PLD3: variants seen among roughly 807,000 people sequenced by gnomAD.
PLD3 encodes the protein phospholipase D family member 3.
Under a neutral mutation model 58.4 loss-of-function variants are expected in PLD3, and 31 were observed. That is an observed-to-expected ratio of 0.53 (90% CI 0.40 to 0.72). The LOEUF (loss-of-function observed/expected upper bound fraction) is 0.72. Among genes scored for constraint, PLD3 ranks in the 30% least tolerant of loss-of-function variants. PLD3 has a pLI of 0.00. For missense variants in PLD3, 595 were observed against 659.8 expected (o/e 0.90, Z 1.08); for synonymous variants, 264 against 273.4 (o/e 0.97, Z 0.34).
chr19:40,370,509 C>CA, intron 8 of PLD3: 1 of 269,444 alleles, frequency 3.7e-6, no homozygotes, highest in Non-Finnish European at 7.0e-6. Context: ...CCCATCTCTA[C>CA]CAAAAAAAAA....
chr19:40,349,020 T>C (rs1478915352), intron 1 of PLD3, among the ~76,000 whole-genome samples: 6 of 152,020 alleles, frequency 3.9e-5, no homozygotes. Context: ...CTTTAAATCC[T>C]CACAACTCCT....
At chr19:40,374,392 C>A in intron 9 of PLD3, 89 bp from the exon 10 acceptor site, 1 of 1,414,298 alleles carries the variant, frequency 7.1e-7, no homozygotes, top group African/African-American at 1.4e-5. Context: ...ATCCACAGTA[C>A]CTGGCTTGTG....
rs116807202 is a variant in PLD3, at chr19:40,362,886, G to A, written c.-278-2832G>A. 9.4e-3 allele frequency among the ~76,000 whole-genome samples: 1,432 copies of A among 152,154 alleles called. 31 individuals carry two copies. The highest frequency in any genetic ancestry group is 0.033 in the African/African-American group (1,360 of 41,510). On this transcript the variant is annotated intron_variant, in intron 1 of 12. Transcript: ENST00000409735. The stretch of plus-strand genomic sequence containing the variant: ...CCAAAACATCACTGACAATTTGAAC[G>A]AAGTCCATCTATTTTCTTCCTATTT...
chr19:40,377,795 G>T lies in PLD3; in HGVS notation c.1195G>T (p.Val399Leu), dbSNP rs200709404. Residue 399 changes from valine to leucine, a missense_variant, in exon 12 of 13, where the codon GTG becomes TTG. Coordinates refer to ENST00000409735, the MANE Select transcript of PLD3 (RefSeq NM_012268.4). ...CTCCCCTCCCACTCAGAAACTCTTTGTGGTCCCCGCGGATGAGGCCCAGGC... is the reference window on the plus strand; with the variant it reads ...CTCCCCTCCCACTCAGAAACTCTTTTTGGTCCCCGCGGATGAGGCCCAGGC... ...THSDIQVKLFVVPADEAQARI... is the reference protein window; with the variant it reads ...THSDIQVKLFLVPADEAQARI... 4 of 1,613,344 alleles carry T rather than the reference G, an allele frequency of 2.5e-6. No individual in the cohort carries two copies. The highest frequency in any genetic ancestry group is 2.7e-5 in the African/African-American group (2 of 74,794).
At chr19:40,364,470 AC>A (rs2078864489) in intron 1 of PLD3, among the ~76,000 whole-genome samples, 2 of 148,672 alleles carry the variant, frequency 1.3e-5, no homozygotes, top group Admixed American at 6.8e-5. Context: ...AATAAGCAAG[AC>A]CCCGTCTATA....
At chr19:40,373,126 C>T (rs1275878328) in intron 9 of PLD3, among the ~76,000 whole-genome samples, 1 of 152,142 alleles carries the variant, frequency 6.6e-6, no homozygotes, top group Non-Finnish European at 1.5e-5. Context: ...CTGTCCAAGC[C>T]CAGAGTCATC....
intron 1 of PLD3, among the ~76,000 whole-genome samples, chr19:40,364,048 G>C (rs958204863): frequency 1.3e-5 from 2 of 152,036 alleles, no homozygotes; most frequent in Non-Finnish European, 2.9e-5. Context: ...AATAGCTTAT[G>C]TTTCACAATT....
intron 10 of PLD3, among the ~76,000 whole-genome samples, chr19:40,375,669 G>GA (rs1290128513): frequency 4.1e-4 from 56 of 135,380 alleles, no homozygotes; most frequent in East Asian, 4.1e-3. Context: ...AAAAAGAAAA[G>GA]AAAAAAAAAA....
chr19:40,375,150 ACT>A (rs771611816), intron 10 of PLD3, among the ~76,000 whole-genome samples: 3 of 151,214 alleles, frequency 2.0e-5, no homozygotes, highest in Non-Finnish European at 4.4e-5. Flanking sequence ...ACAGAGCAAG[ACT>A]CTGTCTCAAA....
chr19:40,352,408 A>G (rs1440536398), intron 1 of PLD3, among the ~76,000 whole-genome samples: 2 of 152,156 alleles, frequency 1.3e-5, no homozygotes, highest in African/African-American at 4.8e-5. Context: ...GGATCTACAG[A>G]TGATGAACAA....
intron 6 of PLD3, 57 bp downstream of exon 6, chr19:40,367,936 G>C: frequency 7.0e-6 from 10 of 1,429,288 alleles, no homozygotes; most frequent in Non-Finnish European, 8.5e-6. Context: ...AGGCAGCGGG[G>C]GCTGTGGGGA....
chr19:40,369,228 G>T (rs2079005447), intron 6 of PLD3, among the ~76,000 whole-genome samples: 1 of 152,074 alleles, frequency 6.6e-6, no homozygotes, highest in Non-Finnish European at 1.5e-5. Flanking sequence ...GATGGTCTGG[G>T]TTCAAATCCT....
intron 11 of PLD3, 42 bp from the exon 12 acceptor site, chr19:40,377,744 C>T: frequency 6.8e-7 from 1 of 1,474,650 alleles, no homozygotes; most frequent in South Asian, 1.1e-5. Flanking sequence ...CTCCGACTCC[C>T]CCTGCCTCTC....
At chr19:40,371,442 T>C (rs999344186) in intron 8 of PLD3, 1 of 552,182 alleles carries the variant, frequency 1.8e-6, no homozygotes, top group Non-Finnish European at 3.2e-6. Context: ...GCTAGCTCAG[T>C]GGAGGGTAGA....
At chr19:40,353,061 C>T (rs149590726) in intron 1 of PLD3, among the ~76,000 whole-genome samples, 463 of 152,318 alleles carry the variant, frequency 3.0e-3, no homozygotes, top group Non-Finnish European at 4.4e-3. Flanking sequence ...CAGGGTCCCT[C>T]GCCTGATGTG....
At position 40,378,074 on chromosome 19, in the gene PLD3, C is replaced by A. The variant is rs775872826; in HGVS notation, c.1374C>A (p.Ser458Arg). 5.0e-6 allele frequency: 8 copies of A among 1,613,982 alleles called. No homozygotes were observed. In the East Asian group the frequency reaches 1.8e-4, roughly 36 times the overall value. ...VTQNGRGGLR[S>R]QLEAIFLRDW... ...AGAATGGGAGGGGCGGCCTGCGGAG[C>A]CAGCTGGAGGCCATTTTCCTGAGGG... Residue 458 changes from serine (S) to arginine (R), a missense_variant, in exon 13 of 13, where the codon AGC becomes AGA. By Grantham distance (110) the Ser-to-Arg change is moderately radical. Transcript: ENST00000409735.
At position 40,378,454 on chromosome 19, in the gene PLD3, G is replaced by A; in HGVS notation, c.*281G>A. On this transcript the variant is annotated 3_prime_UTR_variant, in exon 13 of 13. Transcript: ENST00000409735. ...CACTTTCCAGGGCAAAAAGGGCCCA[G>A]GGTTATAATAAGTAAATAACTTGTC... 1.8e-6 allele frequency: 1 copy of A among 548,896 alleles called. No individual in the cohort carries two copies. The highest frequency in any genetic ancestry group is 3.3e-6 in the Non-Finnish European group (1 of 304,796). The allele number at this position is 548,896 out of a possible 1,614,324, so 34.0% of individuals were successfully genotyped here.
At chr19:40,373,129 G>C (rs1238674748) in intron 9 of PLD3, among the ~76,000 whole-genome samples, 1 of 152,178 alleles carries the variant, frequency 6.6e-6, no homozygotes, top group Non-Finnish European at 1.5e-5. Flanking sequence ...TCCAAGCCCA[G>C]AGTCATCGTG....
rs2079151276 is a variant in PLD3 at position 40,374,720 on chromosome 19, G to A, written c.1019+100G>A. 2.2e-6 allele frequency: 3 copies of A among 1,340,634 alleles called. No homozygotes were observed. In the Admixed American group the frequency reaches 5.4e-5, roughly 24 times the overall value. The allele number at this position is 1,340,634 out of a possible 1,614,324, so 83.0% of individuals were successfully genotyped here. On this transcript the variant is annotated intron_variant, in intron 10 of 12. Transcript: ENST00000409735. Reference sequence around the variant, plus strand: ...AGCTGGTGGGGGCTCCAGGCAAGGGGACAGATGGAAGAGAAGCTGCAGGGA... The same window carrying A: ...AGCTGGTGGGGGCTCCAGGCAAGGGAACAGATGGAAGAGAAGCTGCAGGGA...
Sources: allele counts gnomAD v4.1 joint callset (sites outside exome capture counted in the v4.1 genomes callset), GRCh38; gene constraint gnomAD v4.1.1; transcripts MANE v1.5; gene names NCBI Gene and HGNC (gene_info 2026-07-23, HGNC 2026-07-21).